The following CEP104 variants were observed in gnomAD, a reference collection of about 807,000 sequenced individuals.
The protein encoded by CEP104 is centrosomal protein of 104 kDa.
A neutral mutation model predicts 113.3 loss-of-function variants in CEP104; 84 were observed. The observed-to-expected ratio is 0.74, with a 90% CI of 0.62 to 0.89. The LOEUF (loss-of-function observed/expected upper bound fraction) is 0.89. CEP104 is among the 40% of genes least tolerant of loss of function. The pLI is 0.00. For missense variants in CEP104, 1,053 were observed against 1,156.6 expected (o/e 0.91, Z 1.30); for synonymous variants, 378 against 421.7 (o/e 0.90, Z 1.27).
At chr1:3,833,608 T>G in intron 12 of CEP104, 1 of 358,038 alleles carries the variant, frequency 2.8e-6, no homozygotes, top group Non-Finnish European at 5.0e-6. Context: ...TCTGTGTGTT[T>G]TTATTTATTT....
At position 3,838,741 on chromosome 1, in the gene CEP104, C is replaced by T. The variant is rs1019681266; in HGVS notation, c.891+223G>A. Among the ~76,000 whole-genome samples the T allele has an allele frequency of 4.6e-5, 7 of 152,174 alleles. No individual in the cohort carries two copies. In the South Asian group the frequency reaches 1.0e-3, roughly 23 times the overall value. On this transcript the variant is annotated intron_variant, in intron 8 of 21. Coordinates refer to ENST00000378230, the MANE Select transcript of CEP104 (RefSeq NM_014704.4). ...AGCAGGGCCTCGGTTTTCCTGACCC[C>T]GGTTTGTTCCCTTTCCCACGACTGT...
In CEP104 at chr1:3,812,173, T is replaced by C. The variant is rs908536297; in HGVS notation, c.*3229A>G. On this transcript the variant is annotated 3_prime_UTR_variant, in exon 22 of 22. Transcript: ENST00000378230. ...ACAACAAAAATATATTACTTAGATA[T>C]TTTGTAATTCTGGTACTTGAAATAA... 6.6e-6 allele frequency: 1 copy of C among 152,204 alleles called. No homozygotes were observed. The highest frequency in any genetic ancestry group is 1.5e-5 in the Non-Finnish European group (1 of 68,036). 9.4% of individuals were successfully genotyped at this position (152,204 alleles called of 1,614,324 possible). A position where few individuals can be genotyped will look rare whatever the true frequency, so the allele number is the denominator to read the frequency against.
intron 20 of CEP104, among the ~76,000 whole-genome samples, chr1:3,820,308 A>G (rs1247434645): frequency 1.3e-5 from 2 of 152,218 alleles, no homozygotes; most frequent in African/African-American, 4.8e-5. Flanking sequence ...GATGATGGGC[A>G]TTGCACGGGA....
In CEP104 at chr1:3,835,099, C is replaced by G; in HGVS notation, c.1318-7G>C. On this transcript the variant is annotated splice_region_variant and splice_polypyrimidine_tract_variant and intron_variant, in intron 10 of 21. Coordinates refer to ENST00000378230, the MANE Select transcript of CEP104 (RefSeq NM_014704.4). ...TACAATAGGCCTCAGCAACCTACCACAAAACAGGCAGCATTTCATGGCATC... is the reference window on the plus strand; with the variant it reads ...TACAATAGGCCTCAGCAACCTACCAGAAAACAGGCAGCATTTCATGGCATC... The G allele has an allele frequency of 6.2e-7, 1 of 1,609,530 alleles. No homozygotes were observed. Among genetic ancestry groups the G allele is most frequent in the Non-Finnish European group, 8.5e-7 (1 of 1,177,406 alleles).
intron 6 of CEP104, among the ~76,000 whole-genome samples, chr1:3,844,493 T>C (rs1353175751): frequency 6.6e-6 from 1 of 151,936 alleles, no homozygotes; most frequent in Non-Finnish European, 1.5e-5. Context: ...CAAGACTCCA[T>C]CGAGACCAGC....
chr1:3,830,942 G>A, intron 13 of CEP104, 104 bp downstream of exon 13: 1 of 1,201,090 alleles, frequency 8.3e-7, no homozygotes, highest in Non-Finnish European at 1.1e-6. Flanking sequence ...TGAAATCACT[G>A]CCTCAGTCAT....
intron 12 of CEP104, 22 bp from the exon 13 acceptor site, chr1:3,831,244 G>T (rs201735590): frequency 6.2e-7 from 1 of 1,602,372 alleles, no homozygotes; most frequent in African/African-American, 1.3e-5. Context: ...AAGGTAATTT[G>T]TTAATTTTTA....
chr1:3,843,733 C>T (rs1036744003), intron 6 of CEP104, among the ~76,000 whole-genome samples: 24 of 151,218 alleles, frequency 1.6e-4, no homozygotes, highest in Non-Finnish European at 2.5e-4. Context: ...ATATTTTTAA[C>T]GGGTAGAGAG....
chr1:3,850,963 A>G (rs1489105841), intron 2 of CEP104, among the ~76,000 whole-genome samples: 1 of 152,156 alleles, frequency 6.6e-6, no homozygotes, highest in African/African-American at 2.4e-5. Context: ...AGCGTACAGG[A>G]CCTCTGCAGA....
Position 3,834,051 on chromosome 1 carries a change from T to G in CEP104, c.1486-16A>C. Reference sequence around the variant, plus strand: ...CCTGAAAAACCTAAGAGAAAAGTGATGAACACGGATGAGTTACTACGGTGC... The same window carrying G: ...CCTGAAAAACCTAAGAGAAAAGTGAGGAACACGGATGAGTTACTACGGTGC... On this transcript the variant is annotated splice_polypyrimidine_tract_variant and intron_variant, in intron 11 of 21. Coordinates refer to ENST00000378230, the MANE Select transcript of CEP104 (RefSeq NM_014704.4). 1.2e-6 allele frequency: 2 copies of G among 1,603,228 alleles called. No individual in the cohort carries two copies. Among genetic ancestry groups the G allele is most frequent in the Non-Finnish European group, 1.7e-6 (2 of 1,170,566 alleles).
At position 3,839,794 on chromosome 1, in the gene CEP104, A is replaced by G. The variant is rs201574852; in HGVS notation, c.567-18T>C. ...CAGATTTCCTAAAGGGAAGAAATGC[A>G]TATTTTAGAGATAATTTCACGCCCT... On this transcript the variant is annotated intron_variant, in intron 6 of 21. Transcript: ENST00000378230. The G allele has an allele frequency of 6.2e-7, 1 of 1,601,934 alleles. No homozygotes were observed. Among genetic ancestry groups the G allele is most frequent in the Admixed American group, 1.7e-5 (1 of 58,162 alleles).
intron 13 of CEP104, 60 bp from the exon 14 acceptor site, chr1:3,830,057 T>TAAAAAAAA (rs1413916499): frequency 3.2e-6 from 4 of 1,239,968 alleles, no homozygotes; most frequent in Admixed American, 3.7e-5. Context: ...TCTTCCAGCT[T>TAAAAAAAA]ACAAAAAAGG....
chr1:3,847,555 C>T lies in CEP104; in HGVS notation c.346G>A (p.Val116Ile), dbSNP rs1417059669. 8.7e-6 allele frequency: 14 copies of T among 1,613,752 alleles called. No homozygotes were observed. The highest frequency in any genetic ancestry group is 3.3e-4 in the Middle Eastern group (2 of 6,062). ...AATTGTCCTACTGCATCCACATAAA[C>T]TGATTTTAGTTCCCGGGCTTTGCAA... ...TGCKARELKSVYVDAVGQFLK... is the reference protein window; with the variant it reads ...TGCKARELKSIYVDAVGQFLK... Residue 116 changes from valine (V) to isoleucine (I), a missense_variant, in exon 4 of 22, where the codon GTT becomes ATT. Physicochemically the swap from Val to Ile is conservative, Grantham distance 29. Coordinates refer to ENST00000378230, the MANE Select transcript of CEP104 (RefSeq NM_014704.4).
At chr1:3,820,576 T>G (rs1387959941) in intron 20 of CEP104, among the ~76,000 whole-genome samples, 1 of 55,826 alleles carries the variant, frequency 1.8e-5, no homozygotes, top group Non-Finnish European at 3.2e-5. Context: ...AGATGCCTGA[T>G]TCTATCGACC....
At position 3,839,712 on chromosome 1, in the gene CEP104, C is replaced by A. The variant is rs771909140; in HGVS notation, c.631G>T (p.Ala211Ser). The change falls in exon 7 of 22, where the codon GCA (alanine) becomes TCA (serine). Residue 211 changes from alanine to serine, a missense_variant. Physicochemically the swap from Ala to Ser is moderately conservative, Grantham distance 99. Coordinates refer to ENST00000378230, the MANE Select transcript of CEP104 (RefSeq NM_014704.4). ...AFDMYQDPEV[A>S]QIIRKLDERK... is the part of the protein sequence containing the mutation. ...TCATCTAATTTTCGTATGATCTGTG[C>A]AACTTCTGGATCTTGGTACATATCA... is the stretch of plus-strand genomic sequence containing the variant. 6 of 1,614,008 alleles carry A rather than the reference C, an allele frequency of 3.7e-6. No individual in the cohort carries two copies. Among genetic ancestry groups the A allele is most frequent in the Non-Finnish European group, 5.1e-6 (6 of 1,179,912 alleles).
At chr1:3,845,203 T>A in intron 5 of CEP104, 86 bp downstream of exon 5, 1 of 1,000,436 alleles carries the variant, frequency 1.0e-6, no homozygotes, top group Non-Finnish European at 1.5e-6. Context: ...ATTATAAAAA[T>A]GACACATTTT....
chr1:3,821,215 T>C (rs1011141345), intron 20 of CEP104, among the ~76,000 whole-genome samples: 1 of 152,224 alleles, frequency 6.6e-6, no homozygotes, highest in African/African-American at 2.4e-5. Context: ...TGAGGCTGCG[T>C]GGCTCTCATC....
At chr1:3,830,538 C>T (rs560951531) in intron 13 of CEP104, among the ~76,000 whole-genome samples, 1 of 152,234 alleles carries the variant, frequency 6.6e-6, no homozygotes, top group African/African-American at 2.4e-5. Flanking sequence ...CTTTGGGAGG[C>T]TGAGGCGGGC....
intron 13 of CEP104, among the ~76,000 whole-genome samples, chr1:3,830,776 CAAAAAAA>C (rs61056063): frequency 1.8e-5 from 2 of 108,594 alleles, no homozygotes; most frequent in Non-Finnish European, 3.8e-5. Flanking sequence ...GACTCCATCT[CAAAAAAA>C]AAAAAAAAAA....
Sources: gnomAD v4.1 joint callset for allele counts (sites outside exome capture counted in the v4.1 genomes callset) on GRCh38, gnomAD v4.1.1 for gene constraint, MANE v1.5 for transcripts, NCBI Gene and HGNC (gene_info 2026-07-23, HGNC 2026-07-21) for gene names.